The following COMMD10 variants were observed in gnomAD, a reference collection of about 807,000 sequenced individuals.
The protein encoded by COMMD10 is COMM domain containing 10, also known as COMM domain-containing protein 10.
Under a neutral mutation model 28.9 loss-of-function variants are expected in COMMD10, and 33 were observed. The observed-to-expected ratio is 1.14, with a 90% CI of 0.87 to 1.53. The LOEUF (loss-of-function observed/expected upper bound fraction) is 1.53, where lower values mean the gene tolerates loss of function less well. Among genes scored for constraint, COMMD10 ranks in the 40% most tolerant of loss-of-function variants. The probability of loss-of-function intolerance (pLI) is 0.00; values close to 1 mark genes in which losing one functional copy is unlikely to be tolerated. For synonymous variants in COMMD10, 110 were observed against 81.7 expected, an observed-to-expected ratio of 1.35 and a Z score of -1.87; for missense variants, 310 against 233.4, an observed-to-expected ratio of 1.33 and a Z score of -2.14.
intron 5 of COMMD10, among the ~76,000 whole-genome samples, chr5:116,282,957 A>G (rs757816575): frequency 3.4e-4 from 51 of 152,108 alleles, no homozygotes; most frequent in East Asian, 3.9e-4. Context: ...ACATGTACAC[A>G]TAGGAGCAGA....
rs1041977164 is a variant in COMMD10 at position 116,277,552 on chromosome 5, G to C, written c.511-13965G>C. The stretch of plus-strand genomic sequence containing the variant: ...TTCCACAAGTGTTGGAGGTAAAATA[G>C]CATGTTTCCTATTATTATGCTGCAG... On this transcript the variant is annotated intron_variant, in intron 5 of 6. Transcript: ENST00000274458. 3.3e-5 allele frequency among the ~76,000 whole-genome samples: 5 copies of C among 151,896 alleles called. 1 individual carries two copies. The highest frequency in any genetic ancestry group is 1.2e-4 in the African/African-American group (5 of 41,236).
At position 116,241,169 on chromosome 5, in the gene COMMD10, A is replaced by G. The variant is rs541198095; in HGVS notation, c.511-50348A>G. Reference sequence around the variant, plus strand: ...AGACATAAGCCAAAGAAATTAGAACATGAAGTTGAGTATCATCTTTAGTAA... The same window carrying G: ...AGACATAAGCCAAAGAAATTAGAACGTGAAGTTGAGTATCATCTTTAGTAA... On this transcript the variant is annotated intron_variant, in intron 5 of 6. Transcript: ENST00000274458. Among the ~76,000 whole-genome samples the G allele has an allele frequency of 7.9e-5, 12 of 152,312 alleles. 1 individual carries two copies. In the South Asian group the frequency reaches 2.1e-3, roughly 26 times the overall value.
chr5:116,152,679 T>C (rs1561633993), intron 5 of COMMD10, among the ~76,000 whole-genome samples: 1 of 152,088 alleles, frequency 6.6e-6, no homozygotes, highest in Non-Finnish European at 1.5e-5. Flanking sequence ...TACAGCATGG[T>C]CTTTTTTTAA....
intron 2 of COMMD10, 85 bp downstream of exon 2, chr5:116,087,672 C>T: frequency 3.4e-6 from 3 of 887,156 alleles, no homozygotes; most frequent in Non-Finnish European, 5.7e-6. Flanking sequence ...TTTTGCAAAG[C>T]ATAGTGTTCT....
chr5:116,114,997 T>C (rs1395327479), intron 4 of COMMD10, among the ~76,000 whole-genome samples: 1 of 152,138 alleles, frequency 6.6e-6, no homozygotes, highest in Non-Finnish European at 1.5e-5. Context: ...TCCCATTTCC[T>C]ACACAGGCCC....
intron 5 of COMMD10, among the ~76,000 whole-genome samples, chr5:116,185,192 C>G (rs1024137483): frequency 2.5e-4 from 38 of 151,724 alleles, no homozygotes; most frequent in Admixed American, 7.2e-4. Context: ...CCACAATGAC[C>G]CAAACTACAA....
At chr5:116,149,473 C>A in intron 5 of COMMD10, among the ~76,000 whole-genome samples, 1 of 146,850 alleles carries the variant, frequency 6.8e-6, no homozygotes, top group South Asian at 2.2e-4. Flanking sequence ...GTCCCACCAA[C>A]AGTGTAAAAG....
At chr5:116,221,094 T>G (rs1162033965) in intron 5 of COMMD10, among the ~76,000 whole-genome samples, 2 of 151,952 alleles carry the variant, frequency 1.3e-5, no homozygotes, top group Admixed American at 1.3e-4. Context: ...TTTTTTTTTT[T>G]TTTTAACTGT....
At chr5:116,123,356 T>C (rs971587186) in intron 4 of COMMD10, among the ~76,000 whole-genome samples, 5 of 152,206 alleles carry the variant, frequency 3.3e-5, no homozygotes, top group African/African-American at 1.2e-4. Flanking sequence ...TTTCTATTTA[T>C]GTGATGGATT....
At chr5:116,266,591 C>A (rs922119076) in intron 5 of COMMD10, among the ~76,000 whole-genome samples, 8 of 151,688 alleles carry the variant, frequency 5.3e-5, no homozygotes, top group African/African-American at 1.9e-4. Flanking sequence ...CATAACCTGT[C>A]AATATTTAAA....
chr5:116,167,931 G>A (rs1169588930), intron 5 of COMMD10, among the ~76,000 whole-genome samples: 1 of 152,030 alleles, frequency 6.6e-6, no homozygotes, highest in Non-Finnish European at 1.5e-5. Context: ...CAACTAACAG[G>A]CAAAATAACC....
At chr5:116,260,826 T>C (rs1166111293) in intron 5 of COMMD10, among the ~76,000 whole-genome samples, 5 of 151,804 alleles carry the variant, frequency 3.3e-5, no homozygotes, top group African/African-American at 7.3e-5. Flanking sequence ...AGTTTGCTAA[T>C]AGATGTTTAA....
chr5:116,131,391 G>C (rs930270697), intron 4 of COMMD10, among the ~76,000 whole-genome samples: 2 of 151,872 alleles, frequency 1.3e-5, no homozygotes, highest in Non-Finnish European at 2.9e-5. Context: ...GGGTATGTGT[G>C]TGTGTGTGTA....
Position 116,152,785 on chromosome 5 carries a change from T to A in COMMD10, c.510+18607T>A, listed in dbSNP as rs1561634040. On this transcript the variant is annotated intron_variant, in intron 5 of 6. Coordinates refer to ENST00000274458, the MANE Select transcript of COMMD10 (RefSeq NM_016144.4). ...TTATTTTTGCCACTTTTTTACTGATTGTAATTATGTGTTGACCTCATTTGA... is the reference window on the plus strand; with the variant it reads ...TTATTTTTGCCACTTTTTTACTGATAGTAATTATGTGTTGACCTCATTTGA... Among the ~76,000 whole-genome samples the A allele has an allele frequency of 3.9e-5, 6 of 152,248 alleles. No homozygotes were observed. In the South Asian group the frequency reaches 1.0e-3, roughly 26 times the overall value.
At chr5:116,120,641 C>G (rs925380163) in intron 4 of COMMD10, among the ~76,000 whole-genome samples, 1 of 152,026 alleles carries the variant, frequency 6.6e-6, no homozygotes, top group African/African-American at 2.4e-5. Flanking sequence ...ATGGCATTCT[C>G]TAGTATTTTA....
intron 5 of COMMD10, among the ~76,000 whole-genome samples, chr5:116,181,616 A>G (rs930974703): frequency 6.6e-6 from 1 of 151,990 alleles, no homozygotes; most frequent in Non-Finnish European, 1.5e-5. Flanking sequence ...AAATATTTTT[A>G]GAGAACTATT....
At chr5:116,250,290 T>C (rs940996608) in intron 5 of COMMD10, among the ~76,000 whole-genome samples, 1 of 151,868 alleles carries the variant, frequency 6.6e-6, no homozygotes, top group African/African-American at 2.4e-5. Flanking sequence ...ATGCATTTGG[T>C]ATAGTAATAA....
chr5:116,136,674 A>T (rs552141487), intron 5 of COMMD10, among the ~76,000 whole-genome samples: 3 of 152,198 alleles, frequency 2.0e-5, no homozygotes, highest in Middle Eastern at 3.2e-3. Flanking sequence ...GAAGATGTGA[A>T]TATCTAGATG....
At chr5:116,136,855 C>T (rs922891527) in intron 5 of COMMD10, among the ~76,000 whole-genome samples, 2 of 152,142 alleles carry the variant, frequency 1.3e-5, no homozygotes, top group Non-Finnish European at 2.9e-5. Flanking sequence ...GAGAAGCACA[C>T]ATACATAAAA....
Sources: gnomAD v4.1 joint callset for allele counts (sites outside exome capture counted in the v4.1 genomes callset) on GRCh38, gnomAD v4.1.1 for gene constraint, MANE v1.5 for transcripts, NCBI Gene and HGNC (gene_info 2026-07-23, HGNC 2026-07-21) for gene names.